NARS2: variants seen among roughly 807,000 people sequenced by gnomAD.
NARS2 encodes asparaginyl-tRNA synthetase 2, mitochondrial.
NARS2 carries 60 observed loss-of-function variants against 62.9 expected under a neutral mutation model. The observed-to-expected ratio is 0.95, with a 90% CI of 0.77 to 1.18. NARS2 has a LOEUF of 1.18. Among genes scored for constraint, NARS2 ranks in the 50% most tolerant of loss-of-function variants. The pLI is 0.00. For synonymous variants in NARS2, 196 were observed against 200.0 expected (o/e 0.98, Z 0.17); for missense variants, 619 against 576.4 (o/e 1.07, Z -0.76).
intron 11 of NARS2, among the ~76,000 whole-genome samples, chr11:78,457,055 T>G (rs370868320): frequency 6.6e-6 from 1 of 152,218 alleles, no homozygotes; most frequent in South Asian, 2.1e-4. Context: ...AAATTGAGGC[T>G]GAAAGATCAC....
chr11:78,530,457 C>T (rs1861436170), intron 5 of NARS2, among the ~76,000 whole-genome samples: 1 of 151,982 alleles, frequency 6.6e-6, no homozygotes, highest in African/African-American at 2.4e-5. Flanking sequence ...AAAAAAAAGT[C>T]TGGTCTTAAT....
At chr11:78,528,332 G>C (rs1861366902) in intron 6 of NARS2, among the ~76,000 whole-genome samples, 2 of 152,118 alleles carry the variant, frequency 1.3e-5, no homozygotes, top group Non-Finnish European at 2.9e-5. Flanking sequence ...AGAAAAGGTA[G>C]GCCCCAAGGA....
intron 7 of NARS2, among the ~76,000 whole-genome samples, chr11:78,479,035 T>C (rs1859233445): frequency 6.6e-6 from 1 of 152,136 alleles, no homozygotes; most frequent in South Asian, 2.1e-4. Flanking sequence ...ACAGGATGTT[T>C]GAGAGAATTA....
chr11:78,531,291 C>T (rs1189634464), intron 5 of NARS2, among the ~76,000 whole-genome samples: 3 of 151,830 alleles, frequency 2.0e-5, no homozygotes, highest in East Asian at 1.9e-4. Flanking sequence ...TTCAAGTGCA[C>T]AGGGACCATT....
intron 5 of NARS2, among the ~76,000 whole-genome samples, chr11:78,540,572 C>A (rs1308518025): frequency 6.6e-6 from 1 of 152,176 alleles, no homozygotes; most frequent in Non-Finnish European, 1.5e-5. Flanking sequence ...ACCCTACCCC[C>A]ACCTTTTACC....
intron 11 of NARS2, among the ~76,000 whole-genome samples, chr11:78,458,211 A>G (rs1050303012): frequency 6.6e-5 from 10 of 152,248 alleles, no homozygotes; most frequent in African/African-American, 2.4e-4. Flanking sequence ...TACATACACC[A>G]AAATACCATT....
At chr11:78,485,659 A>G (rs906830569) in intron 7 of NARS2, among the ~76,000 whole-genome samples, 3 of 152,286 alleles carry the variant, frequency 2.0e-5, no homozygotes, top group African/African-American at 7.2e-5. Context: ...TCCCTGTAGG[A>G]TAGTGTTTTT....
At chr11:78,547,036 C>T (rs1027036187) in intron 5 of NARS2, among the ~76,000 whole-genome samples, 21 of 152,306 alleles carry the variant, frequency 1.4e-4, no homozygotes, top group African/African-American at 5.1e-4. Context: ...TGGATAAACA[C>T]TATACATTTC....
intron 13 of NARS2, 133 bp from the exon 14 acceptor site, chr11:78,436,947 C>T (rs1857429274): frequency 2.4e-6 from 2 of 825,596 alleles, no homozygotes; most frequent in African/African-American, 1.7e-5. Context: ...CCAGTCTTTC[C>T]CCTCCACAGA....
chr11:78,506,177 A>G (rs901990065), intron 6 of NARS2, among the ~76,000 whole-genome samples: 5 of 152,352 alleles, frequency 3.3e-5, no homozygotes, highest in Admixed American at 6.5e-5. Flanking sequence ...TAGAATGACT[A>G]TAATTAAAAA....
intron 11 of NARS2, among the ~76,000 whole-genome samples, chr11:78,460,290 G>A (rs1378149495): frequency 2.7e-5 from 3 of 112,236 alleles, no homozygotes; most frequent in Admixed American, 9.1e-5. Flanking sequence ...TTTTTTTAAT[G>A]GGGATGGAGT....
chr11:78,437,583 A>C (rs1184931770), intron 13 of NARS2, among the ~76,000 whole-genome samples: 1 of 152,236 alleles, frequency 6.6e-6, no homozygotes, highest in Non-Finnish European at 1.5e-5. Flanking sequence ...ACACACCAGC[A>C]CTGGAAAAAG....
intron 6 of NARS2, among the ~76,000 whole-genome samples, chr11:78,519,563 C>G (rs1323207505): frequency 2.0e-5 from 3 of 152,012 alleles, no homozygotes; most frequent in Admixed American, 6.5e-5. Flanking sequence ...GTTTCATAAC[C>G]ACTTCTTAAA....
chr11:78,553,478 A>T (rs1171803032), intron 5 of NARS2, among the ~76,000 whole-genome samples: 2 of 151,986 alleles, frequency 1.3e-5, no homozygotes, highest in African/African-American at 2.4e-5. Context: ...TAGTAGAGAA[A>T]GGGTTTCACC....
chr11:78,469,464 G>A, intron 9 of NARS2, 151 bp from the exon 10 acceptor site: 1 of 607,678 alleles, frequency 1.6e-6, no homozygotes, highest in Non-Finnish European at 2.9e-6. Context: ...ATGAAAGAAT[G>A]ATCTGCCTGA....
At chr11:78,549,498 T>C (rs1308194634) in intron 5 of NARS2, among the ~76,000 whole-genome samples, 1 of 152,138 alleles carries the variant, frequency 6.6e-6, no homozygotes. Context: ...AAAGGCAGAT[T>C]GAAAGAGTCA....
chr11:78,525,430 C>T (rs1309203822), intron 6 of NARS2, among the ~76,000 whole-genome samples: 3 of 151,972 alleles, frequency 2.0e-5, no homozygotes, highest in Non-Finnish European at 4.4e-5. Flanking sequence ...AGTACAGGGG[C>T]GTATCAAAGG....
rs2135534030 is a variant in NARS2 at position 78,566,199 on chromosome 11, G to A, written c.446C>T (p.Thr149Ile). The change falls in exon 4 of 14, where the codon ACT (threonine) becomes ATT (isoleucine). Residue 149 changes from threonine to isoleucine, a missense_variant. By Grantham distance (89) the Thr-to-Ile change is moderately conservative (BLOSUM62 -1). Transcript: ENST00000281038. ...CCTCAATATAGAACCCAGAACGTTA[G>A]TCCTACACCTAAAGTGAGGATATTG... is the stretch of plus-strand genomic sequence containing the variant. ...LRQYPHFRCR[T>I]NVLGSILRIR... is the part of the protein sequence containing the mutation. The A allele has an allele frequency of 6.2e-7, 1 of 1,612,916 alleles. No homozygotes were observed. The highest frequency in any genetic ancestry group is 2.2e-5 in the East Asian group (1 of 44,860).
intron 6 of NARS2, among the ~76,000 whole-genome samples, chr11:78,506,833 T>C (rs1016147877): frequency 2.0e-5 from 3 of 152,192 alleles, no homozygotes; most frequent in African/African-American, 7.2e-5. Context: ...GCCACTGCAC[T>C]TGGCCTGATG....
Sources: gnomAD v4.1 joint callset for allele counts (sites outside exome capture counted in the v4.1 genomes callset) on GRCh38, gnomAD v4.1.1 for gene constraint, MANE v1.5 for transcripts, NCBI Gene and HGNC (gene_info 2026-07-23, HGNC 2026-07-21) for gene names.